The following PDE10A variants were observed in gnomAD, a reference collection of about 807,000 sequenced individuals.
PDE10A encodes the protein cAMP and cAMP-inhibited cGMP 3',5'-cyclic phosphodiesterase 10A.
A neutral mutation model predicts 97.7 loss-of-function variants in PDE10A; 39 were observed. The observed-to-expected ratio is 0.40, with a 90% CI of 0.31 to 0.52. PDE10A has a LOEUF of 0.52. Ranked by LOEUF, PDE10A falls within the 20% of genes least tolerant of loss-of-function variation. The probability of loss-of-function intolerance (pLI) is 0.56; values close to 1 mark genes in which losing one functional copy is unlikely to be tolerated. For missense variants in PDE10A, 731 were observed against 1,047.8 expected (o/e 0.70, Z 4.17); for synonymous variants, 371 against 376.8 (o/e 0.98, Z 0.18).
chr6:165,484,232 G>T (rs1241932886), intron 2 of PDE10A, among the ~76,000 whole-genome samples: 1 of 152,190 alleles, frequency 6.6e-6, no homozygotes, highest in Non-Finnish European at 1.5e-5. Flanking sequence ...ATTTAAGCAT[G>T]TTGAAGACAG....
At chr6:165,473,551 C>T (rs982816384) in intron 3 of PDE10A, among the ~76,000 whole-genome samples, 5 of 152,034 alleles carry the variant, frequency 3.3e-5, no homozygotes, top group South Asian at 2.1e-4. Context: ...ACATAACCTC[C>T]GTCTTCTCAA....
intron 1 of PDE10A, among the ~76,000 whole-genome samples, chr6:165,657,233 G>A (rs1790011840): frequency 6.6e-6 from 1 of 152,232 alleles, no homozygotes; most frequent in Non-Finnish European, 1.5e-5. Flanking sequence ...CAAGTGGTGA[G>A]TGCTACAAAG....
chr6:165,742,772 C>G (rs1317113385), intron 1 of PDE10A, among the ~76,000 whole-genome samples: 1 of 152,144 alleles, frequency 6.6e-6, no homozygotes, highest in Non-Finnish European at 1.5e-5. Context: ...GCCTGAGCCT[C>G]TCAGCTGTGC....
intron 17 of PDE10A, among the ~76,000 whole-genome samples, chr6:165,383,304 A>G (rs964938510): frequency 7.2e-5 from 11 of 152,218 alleles, no homozygotes; most frequent in African/African-American, 2.7e-4. Flanking sequence ...ATAATCATTC[A>G]TATCTTATGA....
At chr6:165,944,424 G>A (rs1783691816) in intron 1 of PDE10A, among the ~76,000 whole-genome samples, 2 of 152,176 alleles carry the variant, frequency 1.3e-5, no homozygotes, top group Non-Finnish European at 2.9e-5. Context: ...AGGTGGACAT[G>A]GTGGGCCCCC....
In PDE10A at chr6:165,908,402, C is replaced by T. The variant is rs147185392; in HGVS notation, c.-615+79127G>A. Among the ~76,000 whole-genome samples, 284 of 152,304 alleles carry T rather than the reference C, an allele frequency of 1.9e-3. 6 individuals carry two copies. In the East Asian group the frequency reaches 0.043, roughly 23 times the overall value. ...TTGGGCTACCGTTGGGTTGGAGAAACATGGAGAAAAGAGAAAGGGGCTTTA... is the reference window on the plus strand; with the variant it reads ...TTGGGCTACCGTTGGGTTGGAGAAATATGGAGAAAAGAGAAAGGGGCTTTA... On this transcript the variant is annotated intron_variant, in intron 1 of 19. Transcript: ENST00000366882.
chr6:165,477,225 G>A (rs1779343849), intron 3 of PDE10A, among the ~76,000 whole-genome samples: 1 of 152,108 alleles, frequency 6.6e-6, no homozygotes, highest in Non-Finnish European at 1.5e-5. Context: ...TGCACTTCCT[G>A]TACCATCTGC....
At chr6:165,919,945 G>T (rs927642688) in intron 1 of PDE10A, among the ~76,000 whole-genome samples, 3 of 152,096 alleles carry the variant, frequency 2.0e-5, no homozygotes, top group Admixed American at 1.3e-4. Context: ...ATTCCTTAGA[G>T]TCTCTGATTT....
At chr6:165,448,330 A>G (rs1227006977) in intron 5 of PDE10A, among the ~76,000 whole-genome samples, 1 of 152,196 alleles carries the variant, frequency 6.6e-6, no homozygotes, top group Non-Finnish European at 1.5e-5. Context: ...GTGCCTTTCT[A>G]TGTTGCATTT....
intron 5 of PDE10A, among the ~76,000 whole-genome samples, chr6:165,438,196 A>AT (rs1043658421): frequency 2.6e-5 from 4 of 150,986 alleles, no homozygotes; most frequent in Admixed American, 6.6e-5. Flanking sequence ...TTAATTTTTA[A>AT]TTTTTTTTTG....
chr6:165,702,706 T>C (rs754711080), intron 1 of PDE10A, among the ~76,000 whole-genome samples: 2 of 152,176 alleles, frequency 1.3e-5, no homozygotes, highest in Non-Finnish European at 2.9e-5. Context: ...ACTCACTCCA[T>C]GTGCCTGGCT....
At chr6:165,558,429 G>T (rs188332654) in intron 1 of PDE10A, among the ~76,000 whole-genome samples, 1 of 150,852 alleles carries the variant, frequency 6.6e-6, no homozygotes, top group African/African-American at 2.4e-5. Context: ...ACAGGAAGGG[G>T]AACATCACAC....
intron 1 of PDE10A, among the ~76,000 whole-genome samples, chr6:165,575,723 C>T (rs1043281114): frequency 6.6e-6 from 1 of 152,168 alleles, no homozygotes; most frequent in African/African-American, 2.4e-5. Context: ...ATTTTAATGT[C>T]CTTAATTCTA....
chr6:165,917,541 C>T (rs1782640335), intron 1 of PDE10A, among the ~76,000 whole-genome samples: 2 of 152,206 alleles, frequency 1.3e-5, no homozygotes. Context: ...AAGTCAGAAG[C>T]AGGGCAAATT....
At chr6:165,521,212 A>T (rs995298244) in intron 2 of PDE10A, among the ~76,000 whole-genome samples, 1 of 152,114 alleles carries the variant, frequency 6.6e-6, no homozygotes, top group African/African-American at 2.4e-5. Context: ...ATTGATAAAC[A>T]TTGTGTGTGT....
chr6:165,927,672 A>AT (rs1399030446), intron 1 of PDE10A, among the ~76,000 whole-genome samples: 2 of 124,484 alleles, frequency 1.6e-5, no homozygotes. Context: ...ATATATATAT[A>AT]TATATAGTTT....
At chr6:165,355,599 C>T (rs548008941) in intron 18 of PDE10A, among the ~76,000 whole-genome samples, 1 of 152,194 alleles carries the variant, frequency 6.6e-6, no homozygotes, top group East Asian at 1.9e-4. Context: ...TATCTAGCCC[C>T]TGTTGCTGGA....
intron 1 of PDE10A, among the ~76,000 whole-genome samples, chr6:165,799,160 A>G (rs1238869138): frequency 6.6e-6 from 1 of 152,242 alleles, no homozygotes; most frequent in East Asian, 1.9e-4. Flanking sequence ...TGGGATTCCC[A>G]TGGTGGCCAG....
intron 1 of PDE10A, among the ~76,000 whole-genome samples, chr6:165,798,973 G>C (rs895016139): frequency 1.3e-5 from 2 of 152,210 alleles, no homozygotes; most frequent in Non-Finnish European, 2.9e-5. Context: ...CTCCCAAAGT[G>C]CTGGGATTAT....
Sources: gnomAD v4.1 joint callset for allele counts (sites outside exome capture counted in the v4.1 genomes callset) on GRCh38, gnomAD v4.1.1 for gene constraint, MANE v1.5 for transcripts, NCBI Gene and HGNC (gene_info 2026-07-23, HGNC 2026-07-21) for gene names.